RRBP1: variants seen among roughly 807,000 people sequenced by gnomAD.
The protein encoded by RRBP1 is ribosome-binding protein 1.
In RRBP1, 94 loss-of-function variants were observed where a neutral mutation model predicts 165.2. The ratio of observed to expected loss-of-function variants is 0.57; its 90% CI spans 0.48 to 0.68. The LOEUF (loss-of-function observed/expected upper bound fraction) is 0.68, where lower values mean the gene tolerates loss of function less well. RRBP1 is among the 30% of genes least tolerant of loss of function. The probability of loss-of-function intolerance (pLI) is 0.00; values close to 1 mark genes in which losing one functional copy is unlikely to be tolerated. For missense variants in RRBP1, 1,676 were observed against 1,763.0 expected (o/e 0.95, Z 0.88); for synonymous variants, 680 against 714.5 (o/e 0.95, Z 0.77).
intron 2 of RRBP1, among the ~76,000 whole-genome samples, chr20:17,676,117 G>A (rs1342492633): frequency 6.6e-6 from 1 of 152,230 alleles, no homozygotes. Context: ...GCTGAGGCAG[G>A]AGGATTAACT....
At chr20:17,642,254 C>T (rs1422013695) in intron 4 of RRBP1, among the ~76,000 whole-genome samples, 4 of 152,206 alleles carry the variant, frequency 2.6e-5, no homozygotes, top group Admixed American at 6.5e-5. Flanking sequence ...GCGTGCAGCC[C>T]GTAGGCCTCT....
chr20:17,627,600 C>A lies in RRBP1; in HGVS notation c.2832G>T (p.Gln944His), dbSNP rs199834791. 95 of 1,613,528 alleles carry A rather than the reference C, an allele frequency of 5.9e-5. No homozygotes were observed. The East Asian group carries it at 2.0e-3, about 33-fold the overall frequency. Reference protein sequence around the residue: ...EELSGLHGQLQEARAENSQLT... With the variant: ...EELSGLHGQLHEARAENSQLT... Reference sequence around the variant, plus strand: ...GCTGGGAGTTCTCCGCCCTGGCCTCCTGGAGCTGCCCGTGGAGGCCACTCA... The same window carrying A: ...GCTGGGAGTTCTCCGCCCTGGCCTCATGGAGCTGCCCGTGGAGGCCACTCA... The change falls in exon 10 of 25, where the codon CAG becomes CAT. Residue 944 changes from glutamine (Q) to histidine (H), a missense_variant. Around this residue, in one of 5 missense-constraint regions of RRBP1, gnomAD observed 1,184 missense variants for 1,167.1 expected, o/e 1.01. Transcript: ENST00000377813.
intron 9 of RRBP1, among the ~76,000 whole-genome samples, chr20:17,627,895 A>C (rs1473260206): frequency 1.2e-4 from 18 of 152,212 alleles, no homozygotes. Context: ...ACTTCTGAGA[A>C]CCGTCAGGGT....
chr20:17,659,648 G>C lies in RRBP1; in HGVS notation c.860C>G (p.Thr287Ser). 9 of 1,541,998 alleles carry C rather than the reference G, an allele frequency of 5.8e-6. No homozygotes were observed. The highest frequency in any genetic ancestry group is 7.9e-6 in the Non-Finnish European group (9 of 1,144,458). The change falls in exon 3 of 25, where the codon ACC (threonine) becomes AGC (serine). Residue 287 changes from threonine to serine, a missense_variant. Thr to Ser is a moderately conservative substitution (Grantham distance 58, BLOSUM62 1). Around this residue, in one of 5 missense-constraint regions of RRBP1, gnomAD observed 392 missense variants for 382.5 expected, o/e 1.02. Coordinates refer to ENST00000377813, the MANE Select transcript of RRBP1 (RefSeq NM_001365613.2). ...AGCCCCCTCGGCCTTTCTGCCCTGG[G>C]TTGGGGCCCCCTCCACCTTTTTCCC... is the stretch of plus-strand genomic sequence containing the variant. ...NQGKKVEGAP[T>S]QGRKAEGAQN...
At chr20:17,637,013 G>A (rs559193652) in intron 5 of RRBP1, among the ~76,000 whole-genome samples, 1 of 152,330 alleles carries the variant, frequency 6.6e-6, no homozygotes, top group Admixed American at 6.5e-5. Context: ...GACACACGGT[G>A]CTGTCCCTGG....
Position 17,615,028 on chromosome 20 carries a change from G to T in RRBP1, c.4051-148C>A, listed in dbSNP as rs557064980. 4.5e-6 allele frequency: 4 copies of T among 887,244 alleles called. No homozygotes were observed. The African/African-American group carries it at 5.0e-5, about 11-fold the overall frequency. 55.0% of individuals were successfully genotyped at this position (887,244 alleles called of 1,614,324 possible). A position where few individuals can be genotyped will look rare whatever the true frequency, so the allele number is the denominator to read the frequency against. On this transcript the variant is annotated intron_variant, in intron 23 of 24. Transcript: ENST00000377813. Reference sequence around the variant, plus strand: ...TGGTCACCCGGAGATAGGTGGTGACGACAGGGAGGAAACCGCCCATGCTGA... The same window carrying T: ...TGGTCACCCGGAGATAGGTGGTGACTACAGGGAGGAAACCGCCCATGCTGA...
Position 17,658,750 on chromosome 20 carries a change from T to C in RRBP1, c.1758A>G (p.Gln586=). 6.2e-7 allele frequency: 1 copy of C among 1,612,802 alleles called. No individual in the cohort carries two copies. The highest frequency in any genetic ancestry group is 1.1e-5 in the South Asian group (1 of 91,026). ...TGGCAGCTGCGTCTGCCTTTTTGCC[T>C]TGGTTGGGGGACCCTTCTGCCTTTT... ...EGKKAEGSPN[Q]GKKADAAANQ... is the part of the protein sequence containing the mutation. The change falls in exon 3 of 25, where the codon CAA becomes CAG. Residue 586 remains glutamine (Q), a synonymous_variant. Coordinates refer to ENST00000377813, the MANE Select transcript of RRBP1 (RefSeq NM_001365613.2).
rs563275483 is a variant in RRBP1, at chr20:17,641,860, T to C, written c.2121A>G (p.Lys707=). 3.7e-6 allele frequency: 6 copies of C among 1,613,992 alleles called. No individual in the cohort carries two copies. In the East Asian group the frequency reaches 1.1e-4, roughly 30 times the overall value. ...CATCTTCCTGTTCTGTGGCCAGCAGTTTTTCCTTCTCTTCCAGCTGGCGTT... is the reference window on the plus strand; with the variant it reads ...CATCTTCCTGTTCTGTGGCCAGCAGCTTTTCCTTCTCTTCCAGCTGGCGTT... ...ILKRQLEEKE[K]LLATEQEDAA... Residue 707 remains lysine (K), a synonymous_variant, in exon 5 of 25, where the codon AAA becomes AAG. Coordinates refer to ENST00000377813, the MANE Select transcript of RRBP1 (RefSeq NM_001365613.2).
chr20:17,622,959 C>T (rs2035943675), intron 13 of RRBP1: 2 of 152,246 alleles, frequency 1.3e-5, no homozygotes, highest in African/African-American at 2.4e-5. Context: ...TGGCCTGACG[C>T]ACACCTGAGA....
chr20:17,639,126 T>G (rs184890999), intron 5 of RRBP1, among the ~76,000 whole-genome samples: 2 of 152,194 alleles, frequency 1.3e-5, no homozygotes, highest in Non-Finnish European at 2.9e-5. Flanking sequence ...GCTGGAATGT[T>G]TTTCCAGAAG....
At chr20:17,654,567 A>G (rs2071310402) in intron 3 of RRBP1, among the ~76,000 whole-genome samples, 1 of 152,210 alleles carries the variant, frequency 6.6e-6, no homozygotes, top group Admixed American at 6.5e-5. Flanking sequence ...TTCCATGTTC[A>G]TAAATGCCTC....
intron 4 of RRBP1, 137 bp downstream of exon 4, chr20:17,642,842 C>T (rs1241418004): frequency 1.0e-5 from 10 of 971,350 alleles, no homozygotes; most frequent in Non-Finnish European, 1.5e-5. Flanking sequence ...AGCGATCCCT[C>T]GGGGTGGCAG....
chr20:17,669,470 T>C (rs1428188440), intron 2 of RRBP1, among the ~76,000 whole-genome samples: 1 of 152,180 alleles, frequency 6.6e-6, no homozygotes, highest in Non-Finnish European at 1.5e-5. Flanking sequence ...CCGTAAACAT[T>C]TGTCTCCCAA....
intron 17 of RRBP1, 111 bp from the exon 18 acceptor site, chr20:17,620,481 G>A (rs1348951212): frequency 1.0e-6 from 1 of 982,218 alleles, no homozygotes; most frequent in African/African-American, 1.6e-5. Flanking sequence ...CCCCGGGGGT[G>A]CCCACTCCGC....
chr20:17,619,472 A>G (rs1466069738), intron 19 of RRBP1, 161 bp downstream of exon 19: 13 of 524,858 alleles, frequency 2.5e-5, no homozygotes, highest in Non-Finnish European at 4.3e-5. Context: ...CAGGCCTGAC[A>G]GCCCAACGAG....
chr20:17,617,293 T>A (rs2035820296), intron 20 of RRBP1, among the ~76,000 whole-genome samples: 3 of 152,226 alleles, frequency 2.0e-5, no homozygotes, highest in Admixed American at 2.0e-4. Context: ...CTACGCTCCA[T>A]CACTGGGGTT....
At chr20:17,653,604 G>A (rs1167866010) in intron 3 of RRBP1, among the ~76,000 whole-genome samples, 1 of 152,212 alleles carries the variant, frequency 6.6e-6, no homozygotes. Flanking sequence ...GGGAGGCCAA[G>A]GCGGGTGGAT....
At position 17,658,666 on chromosome 20, in the gene RRBP1, C is replaced by A; in HGVS notation, c.1842G>T (p.Gln614His). 6.2e-7 allele frequency: 1 copy of A among 1,614,202 alleles called. No homozygotes were observed. The highest frequency in any genetic ancestry group is 8.5e-7 in the Non-Finnish European group (1 of 1,180,038). ...CCTCTTGCTTTGGTGCCTCTGGGCT[C>A]TGGGCCACATCTGTATTTCTGCCCT... ...SVQGRNTDVA[Q>H]SPEAPKQEAP... is the part of the protein sequence containing the mutation. Residue 614 changes from glutamine (Q) to histidine (H), a missense_variant, in exon 3 of 25, where the codon CAG becomes CAT. Physicochemically the swap from Gln to His is conservative, Grantham distance 24. Coordinates refer to ENST00000377813, the MANE Select transcript of RRBP1 (RefSeq NM_001365613.2).
chr20:17,615,546 G>T lies in RRBP1; in HGVS notation c.3952-17C>A, dbSNP rs375683028. On this transcript the variant is annotated splice_polypyrimidine_tract_variant and intron_variant, in intron 22 of 24. Coordinates refer to ENST00000377813, the MANE Select transcript of RRBP1 (RefSeq NM_001365613.2). ...GGTCTGAGCCTTGCCGGAGAGGGAA[G>T]TGAGGTCTGGGTGAGACGTCTTATA... The T allele has an allele frequency of 1.0e-4, 161 of 1,591,756 alleles. No individual in the cohort carries two copies. Among genetic ancestry groups the T allele is most frequent in the Non-Finnish European group, 2.0e-5 (23 of 1,170,234 alleles).
Sources: gnomAD v4.1 joint callset for allele counts (sites outside exome capture counted in the v4.1 genomes callset) on GRCh38, gnomAD v4.1.1 for gene constraint, gnomAD v4.1.1 regional missense constraint, MANE v1.5 for transcripts, NCBI Gene and HGNC (gene_info 2026-07-23, HGNC 2026-07-21) for gene names.